RFX3: variants seen among roughly 807,000 people sequenced by gnomAD.
The protein encoded by RFX3 is transcription factor RFX3.
A neutral mutation model predicts 98.6 loss-of-function variants in RFX3; 14 were observed. That is an observed-to-expected ratio of 0.14 (90% confidence interval 0.09 to 0.22). The LOEUF is 0.22. Among genes scored for constraint, RFX3 ranks in the 10% least tolerant of loss-of-function variants. The probability of loss-of-function intolerance (pLI) is 1.00; values close to 1 mark genes in which losing one functional copy is unlikely to be tolerated. For synonymous variants in RFX3, 383 were observed against 328.4 expected, an observed-to-expected ratio of 1.17 and a Z score of -1.80; for missense variants, 639 against 926.9, an observed-to-expected ratio of 0.69 and a Z score of 4.03.
chr9:3,297,810 T>G (rs995769619), intron 5 of RFX3, among the ~76,000 whole-genome samples: 8 of 151,978 alleles, frequency 5.3e-5, no homozygotes, highest in African/African-American at 1.7e-4. Context: ...GAGCTTTTCA[T>G]AAACTTTAAA....
chr9:3,358,975 AC>A (rs1255661965), intron 2 of RFX3, among the ~76,000 whole-genome samples: 1 of 151,668 alleles, frequency 6.6e-6, no homozygotes, highest in East Asian at 1.9e-4. Flanking sequence ...ACCCGGTCCC[AC>A]CCTTGACACA....
At chr9:3,435,394 C>A (rs1232852533) in intron 1 of RFX3, among the ~76,000 whole-genome samples, 1 of 151,504 alleles carries the variant, frequency 6.6e-6, no homozygotes, top group African/African-American at 2.4e-5. Flanking sequence ...TAGTTTTTTC[C>A]TTTTAAAACT....
chr9:3,292,085 A>C (rs1271082881), intron 6 of RFX3, among the ~76,000 whole-genome samples: 12 of 146,324 alleles, frequency 8.2e-5, no homozygotes, highest in African/African-American at 3.0e-4. Flanking sequence ...AAAAAAAAAA[A>C]AAAAAAAAAA....
At chr9:3,465,589 C>G (rs1848137789) in intron 1 of RFX3, among the ~76,000 whole-genome samples, 1 of 151,806 alleles carries the variant, frequency 6.6e-6, no homozygotes, top group Admixed American at 6.6e-5. Context: ...CAAGCGTGAG[C>G]CGCTGCACTT....
At chr9:3,454,522 T>C (rs1167119541) in intron 1 of RFX3, among the ~76,000 whole-genome samples, 1 of 152,208 alleles carries the variant, frequency 6.6e-6, no homozygotes, top group Non-Finnish European at 1.5e-5. Context: ...TGGTTGCCAC[T>C]AGAAAGCCAA....
At chr9:3,251,505 T>A (rs1821394944) in intron 14 of RFX3, among the ~76,000 whole-genome samples, 2 of 151,936 alleles carry the variant, frequency 1.3e-5, no homozygotes, top group East Asian at 3.9e-4. Flanking sequence ...AGCTAATTAT[T>A]TTATTTTGTT....
intron 1 of RFX3, among the ~76,000 whole-genome samples, chr9:3,415,818 ACAC>A (rs1445445259): frequency 3.9e-5 from 6 of 152,090 alleles, no homozygotes; most frequent in African/African-American, 1.4e-4. Flanking sequence ...ATTCCCTCTC[ACAC>A]CACATCAGTG....
intron 15 of RFX3, among the ~76,000 whole-genome samples, chr9:3,242,701 T>C (rs1164486002): frequency 6.6e-5 from 10 of 152,104 alleles, no homozygotes; most frequent in Non-Finnish European, 1.5e-4. Context: ...GTTTTGAAGA[T>C]TTTTTTCCTT....
In RFX3 at chr9:3,463,704, C is replaced by T. The variant is rs1371425514; in HGVS notation, c.-9+62043G>A. Reference sequence around the variant, plus strand: ...TAAAACTAGGGGCTGGGCACTGGGGCTCATGCTTATAATCCCAACACTTTG... The same window carrying T: ...TAAAACTAGGGGCTGGGCACTGGGGTTCATGCTTATAATCCCAACACTTTG... On this transcript the variant is annotated intron_variant, in intron 1 of 16. Coordinates refer to ENST00000617270, the MANE Select transcript of RFX3 (RefSeq NM_001282116.2). Among the ~76,000 whole-genome samples the T allele has an allele frequency of 2.6e-5, 4 of 152,032 alleles. No homozygotes were observed. In the East Asian group the frequency reaches 7.7e-4, roughly 29 times the overall value.
chr9:3,440,256 T>C (rs1423023795), intron 1 of RFX3, among the ~76,000 whole-genome samples: 1 of 152,040 alleles, frequency 6.6e-6, no homozygotes, highest in Non-Finnish European at 1.5e-5. Context: ...TTCTAGCTAG[T>C]GCTATCAGCA....
chr9:3,254,575 T>C lies in RFX3; in HGVS notation c.1814+2416A>G, dbSNP rs563454447. Among the ~76,000 whole-genome samples, 215 of 151,992 alleles carry C rather than the reference T, an allele frequency of 1.4e-3. 1 individual carries two copies. Among genetic ancestry groups the C allele is most frequent in the African/African-American group, 5.1e-3 (212 of 41,434 alleles). ...TTTTTTAAGATGGAGTCTTGCTCTG[T>C]CGCCCAGGCTGGAGTGCAGTGGCGT... On this transcript the variant is annotated intron_variant, in intron 14 of 16. Coordinates refer to ENST00000617270, the MANE Select transcript of RFX3 (RefSeq NM_001282116.2).
chr9:3,271,833 A>T (rs1019593311), intron 9 of RFX3, among the ~76,000 whole-genome samples: 7 of 152,198 alleles, frequency 4.6e-5, no homozygotes, highest in African/African-American at 1.4e-4. Context: ...AGGCTGGGGC[A>T]GAAACCATGG....
intron 2 of RFX3, among the ~76,000 whole-genome samples, chr9:3,350,571 C>G (rs1027322210): frequency 1.3e-5 from 2 of 151,820 alleles, no homozygotes; most frequent in African/African-American, 4.8e-5. Context: ...TGGTGTTTAC[C>G]CAAGGAGTTG....
intron 1 of RFX3, among the ~76,000 whole-genome samples, chr9:3,468,828 A>AAG (rs1383091924): frequency 6.6e-6 from 1 of 151,058 alleles, no homozygotes; most frequent in Non-Finnish European, 1.5e-5. Context: ...AAAAAAAAAA[A>AAG]AAAGAAAAAA....
chr9:3,434,255 C>T (rs1040100058), intron 1 of RFX3, among the ~76,000 whole-genome samples: 1 of 152,046 alleles, frequency 6.6e-6, no homozygotes, highest in Admixed American at 6.6e-5. Flanking sequence ...TAATAAAGCA[C>T]TCAATAAATA....
intron 2 of RFX3, among the ~76,000 whole-genome samples, chr9:3,384,332 G>T (rs952869862): frequency 6.6e-6 from 1 of 152,144 alleles, no homozygotes; most frequent in Admixed American, 6.6e-5. Context: ...CAGATAATAT[G>T]TGCCCCACTC....
intron 2 of RFX3, among the ~76,000 whole-genome samples, chr9:3,362,845 G>T (rs1195877268): frequency 2.0e-5 from 3 of 152,222 alleles, no homozygotes; most frequent in Non-Finnish European, 4.4e-5. Flanking sequence ...CTACTTGGAA[G>T]AAGTAAAGCA....
chr9:3,498,058 A>G (rs1851238161), intron 1 of RFX3, among the ~76,000 whole-genome samples: 1 of 151,998 alleles, frequency 6.6e-6, no homozygotes, highest in Non-Finnish European at 1.5e-5. Flanking sequence ...CAACTCTAGC[A>G]GCTATATGAG....
At chr9:3,486,349 C>T (rs991505754) in intron 1 of RFX3, among the ~76,000 whole-genome samples, 1 of 152,022 alleles carries the variant, frequency 6.6e-6, no homozygotes, top group Non-Finnish European at 1.5e-5. Context: ...CTCTCTTTAA[C>T]ATATTATGCT....
Sources: allele counts gnomAD v4.1 joint callset (sites outside exome capture counted in the v4.1 genomes callset), GRCh38; gene constraint gnomAD v4.1.1; transcripts MANE v1.5; gene names NCBI Gene and HGNC (gene_info 2026-07-23, HGNC 2026-07-21).